Variants in TBC1D10C observed in about 807,000 individuals in gnomAD.
TBC1D10C encodes the protein carabin.
A neutral mutation model predicts 51.0 loss-of-function variants in TBC1D10C; 49 were observed. The observed-to-expected ratio is 0.96, with a 90% CI of 0.76 to 1.22. The LOEUF is 1.22. TBC1D10C is among the 50% of genes most tolerant of loss of function. The probability of loss-of-function intolerance (pLI) is 0.00; values close to 1 mark genes in which losing one functional copy is unlikely to be tolerated. For missense variants in TBC1D10C, 541 were observed against 617.5 expected, an observed-to-expected ratio of 0.88 and a Z score of 1.31; for synonymous variants, 281 against 266.7, an observed-to-expected ratio of 1.05 and a Z score of -0.52.
intron 5 of TBC1D10C, chr11:67,406,315 A>G: frequency 3.9e-6 from 2 of 513,334 alleles, no homozygotes; most frequent in Non-Finnish European, 6.9e-6. Flanking sequence ...CCAAAGACCC[A>G]GAAACCCAGG....
At position 67,405,215 on chromosome 11, in the gene TBC1D10C, C is replaced by T. The variant is rs1403588367; in HGVS notation, c.252+31C>T. 7.1e-6 allele frequency: 11 copies of T among 1,546,786 alleles called. No homozygotes were observed. The South Asian group carries it at 1.1e-4, about 15-fold the overall frequency. On this transcript the variant is annotated intron_variant, in intron 2 of 8. Coordinates refer to ENST00000542590, the MANE Select transcript of TBC1D10C (RefSeq NM_001369496.1). The stretch of plus-strand genomic sequence containing the variant: ...GGGGGCAGGGGCCCCACTTGGCTTC[C>T]ATGGCTCATTCCTCTCTGCCTCAGC...
intron 1 of TBC1D10C, chr11:67,404,790 G>A: frequency 2.4e-6 from 1 of 409,642 alleles, no homozygotes; most frequent in South Asian, 4.2e-5. Flanking sequence ...GCTCTCTCCA[G>A]CCAGCTTCCC....
chr11:67,406,011 C>T lies in TBC1D10C; in HGVS notation c.576C>T (p.Pro192=). The change falls in exon 5 of 9, where the codon CCC becomes CCT. Residue 192 remains proline, a synonymous_variant. Coordinates refer to ENST00000542590, the MANE Select transcript of TBC1D10C (RefSeq NM_001369496.1). ...PVAAVLLMHL[P]PEEAFWCLVQ... ...CTGCTGTGCTGCTCATGCACCTGCC[C>T]CCAGAGGTGAGTGACCTTGACCCTG... 1 of 1,582,168 alleles carries T rather than the reference C, an allele frequency of 6.3e-7. No individual in the cohort carries two copies. Among genetic ancestry groups the T allele is most frequent in the Non-Finnish European group, 8.6e-7 (1 of 1,167,894 alleles).
At position 67,405,355 on chromosome 11, in the gene TBC1D10C, G is replaced by T. The variant is rs561931306; in HGVS notation, c.253-44G>T. ...AGCTGTGCCTGGGGCCTGCCAGCAGGAGCTATGGAGGCTGCCTAGTGGAGC... is the reference window on the plus strand; with the variant it reads ...AGCTGTGCCTGGGGCCTGCCAGCAGTAGCTATGGAGGCTGCCTAGTGGAGC... On this transcript the variant is annotated intron_variant, in intron 2 of 8. Coordinates refer to ENST00000542590, the MANE Select transcript of TBC1D10C (RefSeq NM_001369496.1). 41 of 1,593,966 alleles carry T rather than the reference G, an allele frequency of 2.6e-5. 1 individual carries two copies. In the East Asian group the frequency reaches 5.0e-4, roughly 19 times the overall value.
chr11:67,404,981 C>A, intron 1 of TBC1D10C, 104 bp from the exon 2 acceptor site: 2 of 1,057,198 alleles, frequency 1.9e-6, no homozygotes, highest in East Asian at 2.6e-5. Context: ...CCCAGAGATC[C>A]CTAGGGCCAG....
At chr11:67,406,257 T>C in intron 5 of TBC1D10C, 2 of 524,082 alleles carry the variant, frequency 3.8e-6, no homozygotes, top group Admixed American at 3.6e-5. Flanking sequence ...TGTTATCACC[T>C]TGACCCCACG....
At chr11:67,407,390 CG>C in intron 7 of TBC1D10C, 1 of 179,440 alleles carries the variant, frequency 5.6e-6, no homozygotes, top group South Asian at 1.7e-4. Context: ...TCAATTCTGG[CG>C]GGGGTGGGGA....
In TBC1D10C at chr11:67,409,610, G is replaced by A. The variant is rs759569801; in HGVS notation, c.1197G>A (p.Pro399=). Residue 399 remains proline, a synonymous_variant, in exon 9 of 9, where the codon CCG becomes CCA. Transcript: ENST00000542590. ...PEVPRIVVQP[P]EEPRPPRRKP... ...TGCCTCGGATTGTGGTGCAGCCCCC[G>A]GAGGAGCCCAGACCACCGCGGCGGA... 83 of 1,556,476 alleles carry A rather than the reference G, an allele frequency of 5.3e-5. No individual in the cohort carries two copies. The Middle Eastern group carries it at 8.5e-4, about 16-fold the overall frequency.
Position 67,405,523 on chromosome 11 carries a change from G to A in TBC1D10C, c.360+17G>A, listed in dbSNP as rs1250659226. On this transcript the variant is annotated intron_variant, in intron 3 of 8. Transcript: ENST00000542590. The stretch of plus-strand genomic sequence containing the variant: ...ACCTATCAGGTGAGGGAGTGGGCAG[G>A]GGCCCCAATTCCCCTACCCAGAGCC... The A allele has an allele frequency of 1.2e-6, 2 of 1,613,496 alleles. No individual in the cohort carries two copies. Among genetic ancestry groups the A allele is most frequent in the Non-Finnish European group, 1.7e-6 (2 of 1,179,898 alleles).
intron 6 of TBC1D10C, 31 bp from the exon 7 acceptor site, chr11:67,406,796 G>C (rs369444466): frequency 6.2e-7 from 1 of 1,609,222 alleles, no homozygotes; most frequent in East Asian, 2.2e-5. Context: ...TGGGGGTGGC[G>C]GTGCTGGCCT....
intron 5 of TBC1D10C, 42 bp downstream of exon 5, chr11:67,406,059 G>T: frequency 6.8e-7 from 1 of 1,468,370 alleles, no homozygotes; most frequent in Non-Finnish European, 9.1e-7. Context: ...TAGTGACCTA[G>T]GCCCAGGGAA....
At chr11:67,404,705 A>G (rs1863070496) in intron 1 of TBC1D10C, among the ~76,000 whole-genome samples, 1 of 152,150 alleles carries the variant, frequency 6.6e-6, no homozygotes, top group Admixed American at 6.5e-5. Flanking sequence ...AGATATAGAC[A>G]GAAACTTGCC....
chr11:67,406,713 C>A, intron 6 of TBC1D10C, 21 bp downstream of exon 6: 1 of 1,576,806 alleles, frequency 6.3e-7, no homozygotes, highest in Non-Finnish European at 8.6e-7. Context: ...GACATGGGGG[C>A]TGGAGGAAGG....
intron 1 of TBC1D10C, 89 bp downstream of exon 1, chr11:67,404,443 G>T (rs1365829471): frequency 7.2e-7 from 1 of 1,382,658 alleles, no homozygotes; most frequent in African/African-American, 1.5e-5. Flanking sequence ...GGGAGGGTCT[G>T]GTGGTAGGGA....
chr11:67,406,467 G>A lies in TBC1D10C; in HGVS notation c.583-160G>A, dbSNP rs1317528679. ...TCTTGGGCAGAGGAGGGGGCTTTTG[G>A]GAAGGGCTTCCAGGAACTGCGCAGG... On this transcript the variant is annotated intron_variant, in intron 5 of 8. Coordinates refer to ENST00000542590, the MANE Select transcript of TBC1D10C (RefSeq NM_001369496.1). 5 of 656,884 alleles carry A rather than the reference G, an allele frequency of 7.6e-6. No homozygotes were observed. In the East Asian group the frequency reaches 1.4e-4, roughly 18 times the overall value. The allele number at this position is 656,884 out of a possible 1,614,324, so 40.7% of individuals were successfully genotyped here. A position where few individuals can be genotyped will look rare whatever the true frequency, so the allele number is the denominator to read the frequency against.
intron 6 of TBC1D10C, 28 bp from the exon 7 acceptor site, chr11:67,406,799 G>A: frequency 6.2e-7 from 1 of 1,609,142 alleles, no homozygotes; most frequent in Non-Finnish European, 8.5e-7. Flanking sequence ...GGGTGGCGGT[G>A]CTGGCCTGCT....
At chr11:67,407,149 T>C in intron 7 of TBC1D10C, 133 bp downstream of exon 7, 3 of 1,079,056 alleles carry the variant, frequency 2.8e-6, no homozygotes, top group Non-Finnish European at 2.6e-6. Flanking sequence ...GCCTGGTGCC[T>C]GGCGCTACAT....
rs1290947349 is a variant in TBC1D10C at position 67,404,099 on chromosome 11, T to TC, written c.-98dup. ...GGGCTTGGTGAGATACCCTGAAACC[T>TC]CCCCCCTCTGACCCCGCAGCCAGGC... is the stretch of plus-strand genomic sequence containing the variant. On this transcript the variant is annotated 5_prime_UTR_variant, in exon 1 of 9. Transcript: ENST00000542590. The TC allele has an allele frequency of 5.9e-6, 8 of 1,351,038 alleles. No individual in the cohort carries two copies. The South Asian group carries it at 6.4e-5, about 11-fold the overall frequency. The allele number at this position is 1,351,038 out of a possible 1,614,324, so 83.7% of individuals were successfully genotyped here. A position where few individuals can be genotyped will look rare whatever the true frequency, so the allele number is the denominator to read the frequency against.
Position 67,406,708 on chromosome 11 carries a change from G to A in TBC1D10C, c.648+16G>A, listed in dbSNP as rs772960385. 11 of 1,575,916 alleles carry A rather than the reference G, an allele frequency of 7.0e-6. No homozygotes were observed. In the East Asian group the frequency reaches 2.6e-4, roughly 37 times the overall value. On this transcript the variant is annotated intron_variant, in intron 6 of 8. Coordinates refer to ENST00000542590, the MANE Select transcript of TBC1D10C (RefSeq NM_001369496.1). Reference sequence around the variant, plus strand: ...GCCCCACATGGTGAGAGGCTGACATGGGGGCTGGAGGAAGGAGGGGCAGGG... The same window carrying A: ...GCCCCACATGGTGAGAGGCTGACATAGGGGCTGGAGGAAGGAGGGGCAGGG...
Sources: gnomAD v4.1 joint callset for allele counts (sites outside exome capture counted in the v4.1 genomes callset) on GRCh38, gnomAD v4.1.1 for gene constraint, MANE v1.5 for transcripts, NCBI Gene and HGNC (gene_info 2026-07-23, HGNC 2026-07-21) for gene names.